Variants in SMARCA2 observed in about 807,000 individuals in gnomAD.
SMARCA2 encodes SWI/SNF related BAF chromatin remodeling complex subunit ATPase 2, also known as SWI/SNF-related matrix-associated actin-dependent regulator of chromatin subfamily A member 2.
In SMARCA2, 61 loss-of-function variants were observed where a neutral mutation model predicts 199.8. That is an observed-to-expected ratio of 0.31 (90% CI 0.25 to 0.38). The LOEUF (loss-of-function observed/expected upper bound fraction) is 0.38, where lower values mean the gene tolerates loss of function less well. SMARCA2 is among the 10% of genes least tolerant of loss of function. The pLI is 1.00. For missense variants in SMARCA2, 1,344 were observed against 2,012.2 expected (o/e 0.67, Z 6.35); for synonymous variants, 935 against 732.0 (o/e 1.28, Z -4.48).
chr9:2,180,193 C>T (rs1223642017), intron 29 of SMARCA2, among the ~76,000 whole-genome samples: 3 of 151,988 alleles, frequency 2.0e-5, no homozygotes, highest in South Asian at 2.1e-4. Context: ...AAACCTCTTG[C>T]GTTCACCCCT....
intron 20 of SMARCA2, chr9:2,097,025 T>C (rs941505714): frequency 5.8e-6 from 3 of 518,256 alleles, no homozygotes; most frequent in African/African-American, 5.8e-5. Context: ...ATATTCTGCC[T>C]AAGTGTGGGG....
chr9:2,162,240 TA>T (rs1168389350), intron 28 of SMARCA2, among the ~76,000 whole-genome samples: 1 of 145,686 alleles, frequency 6.9e-6, no homozygotes, highest in Non-Finnish European at 1.5e-5. Context: ...GGAGTAATAT[TA>T]TTTTTTTTAA....
Position 2,161,990 on chromosome 9 carries a change from A to G in SMARCA2, c.4199+87A>G, listed in dbSNP as rs1429502131. ...AGGAGCAGGAGTTGTTAAGTTGTGC[A>G]CTTAGGTTTTATTAAGGTTCTTTCT... is the stretch of plus-strand genomic sequence containing the variant. On this transcript the variant is annotated intron_variant, in intron 28 of 33. Transcript: ENST00000349721. The surrounding 1 kb of genome is among the most constrained non-coding windows in gnomAD (Gnocchi z 4.7). The G allele has an allele frequency of 1.8e-5, 19 of 1,073,316 alleles. No homozygotes were observed. The highest frequency in any genetic ancestry group is 5.0e-5 in the East Asian group (2 of 40,302). 66.5% of individuals were successfully genotyped at this position (1,073,316 alleles called of 1,614,324 possible). A position where few individuals can be genotyped will look rare whatever the true frequency, so the allele number is the denominator to read the frequency against.
intron 27 of SMARCA2, among the ~76,000 whole-genome samples, chr9:2,135,543 C>T (rs1824156016): frequency 6.6e-6 from 1 of 152,144 alleles, no homozygotes; most frequent in African/African-American, 2.4e-5. Context: ...AGGATCCCTT[C>T]CATCTATCTA....
intron 23 of SMARCA2, among the ~76,000 whole-genome samples, chr9:2,109,636 G>C (rs915737965): frequency 3.2e-4 from 48 of 152,222 alleles, no homozygotes; most frequent in African/African-American, 1.0e-3. Flanking sequence ...TTCTTGTGGG[G>C]GGGGTGGGGA....
At position 2,192,750 on chromosome 9, in the gene SMARCA2, C is replaced by T. The variant is rs1827976584; in HGVS notation, c.*11C>T. 6.3e-7 allele frequency: 1 copy of T among 1,599,580 alleles called. No individual in the cohort carries two copies. Among genetic ancestry groups the T allele is most frequent in the Admixed American group, 1.7e-5 (1 of 59,958 alleles). ...ACGGATGATGAGTGATCAGTATGGA[C>T]CTTTTTCCTTGGTAGAACTGAATTC... On this transcript the variant is annotated 3_prime_UTR_variant, in exon 34 of 34. Transcript: ENST00000349721.
chr9:2,102,872 C>G (rs887272925), intron 22 of SMARCA2, among the ~76,000 whole-genome samples: 3 of 151,876 alleles, frequency 2.0e-5, no homozygotes, highest in African/African-American at 7.3e-5. Context: ...TCATAGAGCC[C>G]TAAAGAGTCT....
Position 2,115,805 on chromosome 9 carries a change from A to C in SMARCA2, c.3457-17A>C. ...CCAGGCATCTCAGTCCTCATAGCAT[A>C]TTGACCCCCCAAACAGGATCTGCAG... is the stretch of plus-strand genomic sequence containing the variant. On this transcript the variant is annotated splice_polypyrimidine_tract_variant and intron_variant, in intron 24 of 33. Transcript: ENST00000349721. This position sits in a 1 kb window ranked among gnomAD's most constrained non-coding sequence, Gnocchi z 6.0. 6.2e-7 allele frequency: 1 copy of C among 1,610,822 alleles called. No homozygotes were observed. Among genetic ancestry groups the C allele is most frequent in the Non-Finnish European group, 8.5e-7 (1 of 1,177,646 alleles).
chr9:2,177,077 T>C (rs1353596229), intron 29 of SMARCA2, among the ~76,000 whole-genome samples: 1 of 152,242 alleles, frequency 6.6e-6, no homozygotes, highest in Non-Finnish European at 1.5e-5. Flanking sequence ...CTCAGGTTTC[T>C]GCAGGCTCTC....
At chr9:2,178,167 C>T (rs1055366287) in intron 29 of SMARCA2, among the ~76,000 whole-genome samples, 1 of 152,142 alleles carries the variant, frequency 6.6e-6, no homozygotes, top group Admixed American at 6.5e-5. Context: ...CTCATGGCCA[C>T]GTCGCGGTGT....
Position 2,187,675 on chromosome 9 carries a change from TAA to T in SMARCA2, c.4594+1456_4594+1457del, listed in dbSNP as rs532066208. Among the ~76,000 whole-genome samples, 1,466 of 150,452 alleles carry T rather than the reference TAA, an allele frequency of 9.7e-3. 25 individuals carry two copies. Among genetic ancestry groups the T allele is most frequent in the African/African-American group, 0.034 (1,383 of 41,116 alleles). On this transcript the variant is annotated intron_variant, in intron 32 of 33. Coordinates refer to ENST00000349721, the MANE Select transcript of SMARCA2 (RefSeq NM_003070.5). ...CTGGGCAACAGAACAAAACTCTATC[TAA>T]AAAAAAAATTTTAAATATAATTAAT...
chr9:2,029,229 C>T lies in SMARCA2; in HGVS notation c.207C>T (p.Gly69=). Reference sequence around the variant, plus strand: ...GGTCCACAGACTTCCCACAGGAAGGCATGCATCAAATGCATAAGGTAAGAG... The same window carrying T: ...GGTCCACAGACTTCCCACAGGAAGGTATGCATCAAATGCATAAGGTAAGAG... ...TMGSTDFPQE[G]MHQMHKPIDG... is the part of the protein sequence containing the mutation. The change falls in exon 2 of 34, where the codon GGC becomes GGT. Residue 69 remains glycine, a synonymous_variant. Transcript: ENST00000349721. 6.2e-7 allele frequency: 1 copy of T among 1,611,744 alleles called. No homozygotes were observed. The highest frequency in any genetic ancestry group is 8.5e-7 in the Non-Finnish European group (1 of 1,178,684).
At position 2,017,308 on chromosome 9, in the gene SMARCA2, G is replaced by T. The variant is rs929421956; in HGVS notation, c.-37+1904G>T. On this transcript the variant is annotated intron_variant, in intron 1 of 33. Coordinates refer to ENST00000349721, the MANE Select transcript of SMARCA2 (RefSeq NM_003070.5). The surrounding 1 kb of genome is among the most constrained non-coding windows in gnomAD (Gnocchi z 8.8). ...AAGTTTGGCAGGGCGGCTAAGTAGG[G>T]TGGAGGGGTGGGAGGGGGCTGCGAG... is the stretch of plus-strand genomic sequence containing the variant. The T allele has an allele frequency of 6.6e-6, 1 of 151,838 alleles. No homozygotes were observed. The highest frequency in any genetic ancestry group is 1.5e-5 in the Non-Finnish European group (1 of 68,152). The allele number at this position is 151,838 out of a possible 1,614,324, so 9.4% of individuals were successfully genotyped here. A position where few individuals can be genotyped will look rare whatever the true frequency, so the allele number is the denominator to read the frequency against.
At position 2,087,071 on chromosome 9, in the gene SMARCA2, G is replaced by T; in HGVS notation, c.2769G>T (p.Arg923Ser). 1 of 1,614,110 alleles carries T rather than the reference G, an allele frequency of 6.2e-7. No homozygotes were observed. Among genetic ancestry groups the T allele is most frequent in the African/African-American group, 1.3e-5 (1 of 75,042 alleles). ...CTCCATTTGCCATGACTGGTGAAAGGGTACTGGTCTGAGTTCTGTTTTTTC... is the reference window on the plus strand; with the variant it reads ...CTCCATTTGCCATGACTGGTGAAAGTGTACTGGTCTGAGTTCTGTTTTTTC... ...FNAPFAMTGE[R>S]VDLNEEETIL... Residue 923 changes from arginine (R) to serine (S), a missense_variant and splice_region_variant, in exon 18 of 34, where the codon AGG becomes AGT. By Grantham distance (110) the Arg-to-Ser change is moderately radical. Transcript: ENST00000349721.
At chr9:2,096,103 TCTCA>T (rs1354574401) in intron 19 of SMARCA2, among the ~76,000 whole-genome samples, 1 of 152,198 alleles carries the variant, frequency 6.6e-6, no homozygotes, top group Non-Finnish European at 1.5e-5. Flanking sequence ...TTCCACCTGT[TCTCA>T]CTATGTTGTA....
chr9:2,150,685 G>T (rs1318111001), intron 27 of SMARCA2, among the ~76,000 whole-genome samples: 1 of 151,580 alleles, frequency 6.6e-6, no homozygotes, highest in African/African-American at 2.4e-5. Context: ...GTTACCCTAT[G>T]TAATAGTTTG....
At chr9:2,028,858 G>A in intron 1 of SMARCA2, 129 bp from the exon 2 acceptor site, 1 of 734,588 alleles carries the variant, frequency 1.4e-6, no homozygotes, top group Non-Finnish European at 2.2e-6. Context: ...TCAAACATCT[G>A]GACTAGACAG....
chr9:2,054,578 A>G lies in SMARCA2; in HGVS notation c.1047-19A>G, dbSNP rs764483670. 4.4e-6 allele frequency: 7 copies of G among 1,603,634 alleles called. No individual in the cohort carries two copies. Among genetic ancestry groups the G allele is most frequent in the Non-Finnish European group, 6.0e-6 (7 of 1,173,990 alleles). ...GTTTTTCCCCTGCCCCCTTTTCCCC[A>G]TTTTATTGTTTCCTTTAGACTTCAG... On this transcript the variant is annotated intron_variant, in intron 5 of 33. Transcript: ENST00000349721.
chr9:2,058,532 A>G (rs1820452613), intron 8 of SMARCA2, 68 bp downstream of exon 8: 1 of 1,289,598 alleles, frequency 7.8e-7, no homozygotes, highest in African/African-American at 1.5e-5. Flanking sequence ...AGACCATTAA[A>G]TATGGTGGTA....
Sources: gnomAD v4.1 joint callset for allele counts (sites outside exome capture counted in the v4.1 genomes callset) on GRCh38, gnomAD v4.1.1 for gene constraint, Gnocchi (gnomAD v3.1) non-coding constraint, MANE v1.5 for transcripts, NCBI Gene and HGNC (gene_info 2026-07-23, HGNC 2026-07-21) for gene names.